Variants in MAPK10 observed in about 807,000 individuals in gnomAD.
The protein encoded by MAPK10 is mitogen-activated protein kinase 10, also known as JNK3 alpha protein kinase.
In MAPK10, 25 loss-of-function variants were observed where a neutral mutation model predicts 59.3. The observed-to-expected ratio is 0.42, with a 90% CI of 0.31 to 0.59. MAPK10 has a LOEUF of 0.59. Ranked by LOEUF, MAPK10 falls within the 20% of genes least tolerant of loss-of-function variation. The probability of loss-of-function intolerance (pLI) is 0.15; values close to 1 mark genes in which losing one functional copy is unlikely to be tolerated. For synonymous variants in MAPK10, 190 were observed against 200.5 expected, an observed-to-expected ratio of 0.95 and a Z score of 0.44; for missense variants, 351 against 568.9, an observed-to-expected ratio of 0.62 and a Z score of 3.90.
At chr4:86,160,483 T>A (rs4132490) in intron 3 of MAPK10, 113,255 of 151,792 alleles carry the variant, frequency 0.75, 44,093 homozygotes, top group East Asian at 0.92. Flanking sequence ...TCTATGCCAG[T>A]GATTCTCATT....
intron 2 of MAPK10, among the ~76,000 whole-genome samples, chr4:86,195,802 G>A (rs2081166090): frequency 6.6e-6 from 1 of 152,098 alleles, no homozygotes; most frequent in Non-Finnish European, 1.5e-5. Context: ...TCCCACTTAT[G>A]AGTGAGAACA....
At chr4:86,293,196 C>G (rs2095273899) in intron 2 of MAPK10, among the ~76,000 whole-genome samples, 3 of 152,132 alleles carry the variant, frequency 2.0e-5, no homozygotes, top group African/African-American at 7.2e-5. Flanking sequence ...AAAATGTCCC[C>G]TAGAATTTCA....
At chr4:86,309,106 G>T (rs1311550952) in intron 2 of MAPK10, among the ~76,000 whole-genome samples, 1 of 152,002 alleles carries the variant, frequency 6.6e-6, no homozygotes, top group African/African-American at 2.4e-5. Flanking sequence ...TAAATTCAAA[G>T]TCTTATGGGA....
intron 11 of MAPK10, among the ~76,000 whole-genome samples, chr4:86,060,071 C>G (rs996649395): frequency 6.6e-6 from 1 of 152,208 alleles, no homozygotes; most frequent in Non-Finnish European, 1.5e-5. Flanking sequence ...ACACAATGGT[C>G]TATCTGGTTG....
intron 2 of MAPK10, among the ~76,000 whole-genome samples, chr4:86,334,331 G>T (rs935765600): frequency 6.6e-6 from 1 of 152,076 alleles, no homozygotes; most frequent in Non-Finnish European, 1.5e-5. Context: ...GTCTAGTCTA[G>T]GTCACCACTA....
intron 3 of MAPK10, among the ~76,000 whole-genome samples, chr4:86,159,715 G>A (rs2149229766): frequency 6.6e-6 from 1 of 152,052 alleles, no homozygotes. Context: ...ACTAATCTTA[G>A]ATTTGATTCA....
At chr4:86,585,690 ATGT>A (rs995278119) in intron 1 of MAPK10, among the ~76,000 whole-genome samples, 2 of 152,144 alleles carry the variant, frequency 1.3e-5, no homozygotes, top group African/African-American at 4.8e-5. Flanking sequence ...TCCCCTCTTC[ATGT>A]TGTTGAATGT....
chr4:86,526,984 G>A (rs767141050), intron 1 of MAPK10, among the ~76,000 whole-genome samples: 8 of 152,028 alleles, frequency 5.3e-5, no homozygotes, highest in Admixed American at 1.3e-4. Flanking sequence ...CAAGCATGTG[G>A]TCAATCTTGG....
intron 1 of MAPK10, among the ~76,000 whole-genome samples, chr4:86,417,197 ATTT>A (rs1194961821): frequency 6.6e-6 from 1 of 152,044 alleles, no homozygotes; most frequent in Non-Finnish European, 1.5e-5. Context: ...TATTTGCATA[ATTT>A]TTTAAGTTAT....
intron 1 of MAPK10, among the ~76,000 whole-genome samples, chr4:86,486,169 G>C: frequency 6.6e-6 from 1 of 152,122 alleles, no homozygotes; most frequent in Admixed American, 6.6e-5. Context: ...CCCACCTGTA[G>C]TCCCAGCTAC....
At chr4:86,252,572 G>A (rs1335409254) in intron 2 of MAPK10, among the ~76,000 whole-genome samples, 2 of 140,032 alleles carry the variant, frequency 1.4e-5, no homozygotes, top group African/African-American at 5.7e-5. Flanking sequence ...TTTGGTTACT[G>A]TAGCCTTGTA....
At chr4:86,437,838 C>G (rs1748947240) in intron 1 of MAPK10, among the ~76,000 whole-genome samples, 1 of 152,144 alleles carries the variant, frequency 6.6e-6, no homozygotes, top group Non-Finnish European at 1.5e-5. Context: ...GGGGAAAAGA[C>G]ATAATTGCCC....
At chr4:86,234,065 T>C (rs777361930) in intron 2 of MAPK10, among the ~76,000 whole-genome samples, 1 of 152,166 alleles carries the variant, frequency 6.6e-6, no homozygotes, top group Non-Finnish European at 1.5e-5. Context: ...CCTGAGGTGA[T>C]GAAAAGAAAA....
chr4:86,133,525 C>G (rs1353847382), intron 4 of MAPK10, among the ~76,000 whole-genome samples: 1 of 152,188 alleles, frequency 6.6e-6, no homozygotes, highest in Non-Finnish European at 1.5e-5. Flanking sequence ...TTAATGCCTA[C>G]AGCCAAAACA....
At chr4:86,315,860 C>T (rs2095774955) in intron 2 of MAPK10, among the ~76,000 whole-genome samples, 1 of 152,006 alleles carries the variant, frequency 6.6e-6, no homozygotes, top group Admixed American at 6.6e-5. Flanking sequence ...AACTTTTCTT[C>T]AAGTAGACTT....
At chr4:86,266,977 A>G (rs2094266534) in intron 2 of MAPK10, among the ~76,000 whole-genome samples, 1 of 151,978 alleles carries the variant, frequency 6.6e-6, no homozygotes, top group South Asian at 2.1e-4. Flanking sequence ...GTATTTATGT[A>G]TTTTCTTTTA....
intron 9 of MAPK10, among the ~76,000 whole-genome samples, chr4:86,070,969 T>G (rs1304140234): frequency 2.6e-5 from 4 of 152,068 alleles, no homozygotes; most frequent in Non-Finnish European, 4.4e-5. Flanking sequence ...ATCGCCACAC[T>G]GACTTCCACA....
chr4:86,422,384 G>A (rs1169848481), intron 1 of MAPK10, among the ~76,000 whole-genome samples: 1 of 152,154 alleles, frequency 6.6e-6, no homozygotes, highest in East Asian at 1.9e-4. Flanking sequence ...CCTAACATGT[G>A]GGAATGACTC....
intron 2 of MAPK10, among the ~76,000 whole-genome samples, chr4:86,314,971 C>T (rs1450597587): frequency 6.6e-6 from 1 of 151,548 alleles, no homozygotes; most frequent in Non-Finnish European, 1.5e-5. Context: ...TATTAATGAA[C>T]ATTTTAAATG....
Sources: gnomAD v4.1 joint callset for allele counts (sites outside exome capture counted in the v4.1 genomes callset) on GRCh38, gnomAD v4.1.1 for gene constraint, MANE v1.5 for transcripts, NCBI Gene and HGNC (gene_info 2026-07-23, HGNC 2026-07-21) for gene names.